KDM6A: variants seen among roughly 807,000 people sequenced by gnomAD.
KDM6A encodes the protein lysine demethylase 6A, also known as lysine-specific demethylase 6A.
KDM6A carries 11 observed loss-of-function variants against 117.6 expected under a neutral mutation model. That is an observed-to-expected ratio of 0.09 (90% CI 0.06 to 0.15). The LOEUF (loss-of-function observed/expected upper bound fraction) is 0.15, where lower values mean the gene tolerates loss of function less well. Among genes scored for constraint, KDM6A ranks in the 10% least tolerant of loss-of-function variants. The probability of loss-of-function intolerance (pLI) is 1.00; values close to 1 mark genes in which losing one functional copy is unlikely to be tolerated. For missense variants in KDM6A, 799 were observed against 1,077.3 expected (o/e 0.74, Z 3.62); for synonymous variants, 384 against 396.1 (o/e 0.97, Z 0.36).
chrX:45,045,377 C>T (rs1311021537), intron 8 of KDM6A, among the ~76,000 whole-genome samples: 4 of 109,601 alleles, frequency 3.6e-5, no homozygotes, highest in Non-Finnish European at 7.6e-5. Flanking sequence ...TTTGAGGTCA[C>T]GAGTTCGAGA....
intron 2 of KDM6A, among the ~76,000 whole-genome samples, chrX:44,922,828 A>G (rs1199921405): frequency 8.9e-6 from 1 of 112,763 alleles, no homozygotes; most frequent in Non-Finnish European, 1.9e-5. Flanking sequence ...TTTATATACT[A>G]TTTTATATTT....
intron 4 of KDM6A, among the ~76,000 whole-genome samples, chrX:45,000,569 G>A (rs1459316525): frequency 8.9e-6 from 1 of 112,347 alleles, no homozygotes; most frequent in Non-Finnish European, 1.9e-5. Flanking sequence ...ACATCTGCTC[G>A]GGGATGAACA....
chrX:45,101,344 G>A (rs745971915), intron 27 of KDM6A, among the ~76,000 whole-genome samples: 13 of 110,866 alleles, frequency 1.2e-4, no homozygotes, highest in Non-Finnish European at 9.4e-5. Flanking sequence ...CTTAGCATAC[G>A]ATAAGCATTC....
chrX:45,002,041 G>T (rs1232398301), intron 4 of KDM6A, among the ~76,000 whole-genome samples: 1 of 111,350 alleles, frequency 9.0e-6, no homozygotes, highest in Non-Finnish European at 1.9e-5. Flanking sequence ...CTAAGAAACT[G>T]ATCTTTTGTT....
chrX:44,965,392 G>C (rs928350411), intron 3 of KDM6A, among the ~76,000 whole-genome samples: 1 of 112,314 alleles, frequency 8.9e-6, no homozygotes, highest in African/African-American at 3.2e-5. Flanking sequence ...GTCTGTCTCA[G>C]CTTTCAAAGT....
intron 4 of KDM6A, among the ~76,000 whole-genome samples, chrX:44,994,044 G>T (rs2040749368): frequency 9.0e-6 from 1 of 110,977 alleles, no homozygotes; most frequent in African/African-American, 3.3e-5. Flanking sequence ...TCTACATTTG[G>T]TTTTAGAGAT....
chrX:44,907,165 T>G (rs763983357), intron 2 of KDM6A, among the ~76,000 whole-genome samples: 2 of 112,604 alleles, frequency 1.8e-5, no homozygotes, highest in East Asian at 5.6e-4. Flanking sequence ...TTCCGTGTAC[T>G]TTTTTTGAGG....
At chrX:44,958,845 ATGT>A (rs1349363729) in intron 2 of KDM6A, among the ~76,000 whole-genome samples, 1 of 110,891 alleles carries the variant, frequency 9.0e-6, no homozygotes. Flanking sequence ...GTTTATCTGA[ATGT>A]TGTTCTGAAT....
intron 4 of KDM6A, among the ~76,000 whole-genome samples, chrX:45,003,362 G>A (rs2041243814): frequency 1.9e-5 from 2 of 107,173 alleles, no homozygotes; most frequent in African/African-American, 6.8e-5. Context: ...TGGGTTAAGG[G>A]AATTTTTAGT....
At chrX:44,936,486 G>A (rs963796758) in intron 2 of KDM6A, among the ~76,000 whole-genome samples, 1 of 111,624 alleles carries the variant, frequency 9.0e-6, no homozygotes, top group Non-Finnish European at 1.9e-5. Flanking sequence ...AAATCCCAAA[G>A]CTGTGGCATC....
chrX:45,005,985 A>ACC (rs2041446293), intron 4 of KDM6A, among the ~76,000 whole-genome samples: 7 of 11,125 alleles, frequency 6.3e-4, no homozygotes, highest in Non-Finnish European at 1.2e-3. Context: ...CCCACCCCCC[A>ACC]CCACCCACCA....
chrX:44,974,571 G>A, intron 3 of KDM6A, 95 bp from the exon 4 acceptor site: 2 of 595,896 alleles, frequency 3.4e-6, no homozygotes, highest in East Asian at 6.6e-5. Flanking sequence ...CTACTGGGAG[G>A]TGGGTGTGGT....
At chrX:44,947,182 G>A (rs1053964923) in intron 2 of KDM6A, among the ~76,000 whole-genome samples, 3 of 110,730 alleles carry the variant, frequency 2.7e-5, no homozygotes, top group Non-Finnish European at 3.8e-5. Context: ...CTCCCCACCA[G>A]ATATACTGAG....
At chrX:45,076,587 C>G in intron 18 of KDM6A, 110 bp from the exon 19 acceptor site, 1 of 549,207 alleles carries the variant, frequency 1.8e-6, no homozygotes, top group Non-Finnish European at 3.0e-6. Context: ...ATCTCATGGA[C>G]TTGTGCAAAT....
intron 2 of KDM6A, among the ~76,000 whole-genome samples, chrX:44,892,958 G>A (rs1056613868): frequency 5.9e-5 from 6 of 101,619 alleles, no homozygotes; most frequent in Non-Finnish European, 5.9e-5. Context: ...AGCTGAGATC[G>A]TGCCACAGCA....
intron 2 of KDM6A, among the ~76,000 whole-genome samples, chrX:44,930,722 G>T (rs1320036100): frequency 9.0e-6 from 1 of 111,718 alleles, no homozygotes. Flanking sequence ...TGAAAGATAC[G>T]CACTTTTAAA....
At chrX:45,079,456 T>A in intron 21 of KDM6A, 105 bp downstream of exon 21, 2 of 565,005 alleles carry the variant, frequency 3.5e-6, no homozygotes, top group Non-Finnish European at 5.9e-6. Context: ...CATTTTATGT[T>A]ACATAAAATA....
At chrX:44,936,369 T>G (rs1299075701) in intron 2 of KDM6A, among the ~76,000 whole-genome samples, 1 of 111,524 alleles carries the variant, frequency 9.0e-6, no homozygotes, top group African/African-American at 3.3e-5. Flanking sequence ...CACCCTCCCT[T>G]GCCCCATCAC....
At chrX:45,013,703 C>T (rs1425457012) in intron 5 of KDM6A, among the ~76,000 whole-genome samples, 1 of 112,011 alleles carries the variant, frequency 8.9e-6, no homozygotes. Flanking sequence ...TAGCTGCTTC[C>T]TAAAATGATA....
Sources: gnomAD v4.1 joint callset for allele counts (sites outside exome capture counted in the v4.1 genomes callset) on GRCh38, gnomAD v4.1.1 for gene constraint, MANE v1.5 for transcripts, NCBI Gene and HGNC (gene_info 2026-07-23, HGNC 2026-07-21) for gene names.